The following NRG1 variants were observed in gnomAD, a reference collection of about 807,000 sequenced individuals.
The protein encoded by NRG1 is pro-neuregulin-1, membrane-bound isoform.
A neutral mutation model predicts 63.8 loss-of-function variants in NRG1; 18 were observed. The ratio of observed to expected loss-of-function variants is 0.28; its 90% CI spans 0.19 to 0.42. The LOEUF (loss-of-function observed/expected upper bound fraction) is 0.42. Among genes scored for constraint, NRG1 ranks in the 10% least tolerant of loss-of-function variants. NRG1 has a pLI of 1.00. For synonymous variants in NRG1, 302 were observed against 301.3 expected (o/e 1.00, Z -0.02); for missense variants, 762 against 814.7 (o/e 0.94, Z 0.79).
intron 1 of NRG1, among the ~76,000 whole-genome samples, chr8:32,293,635 T>G (rs774369336): frequency 2.0e-5 from 3 of 151,978 alleles, no homozygotes; most frequent in Non-Finnish European, 4.4e-5. Context: ...CCATTTTATT[T>G]TAATTTTTTT....
At chr8:32,614,886 C>A (rs1318283936) in intron 4 of NRG1, among the ~76,000 whole-genome samples, 1 of 152,038 alleles carries the variant, frequency 6.6e-6, no homozygotes, top group Non-Finnish European at 1.5e-5. Context: ...CCAGGTGATT[C>A]TCTTAGCTGC....
intron 1 of NRG1, among the ~76,000 whole-genome samples, chr8:32,354,813 A>AC (rs534837521): frequency 3.4e-4 from 51 of 151,014 alleles, no homozygotes; most frequent in African/African-American, 1.1e-3. Flanking sequence ...AAAAAAAAAA[A>AC]ACATATAACA....
At chr8:32,666,280 C>T (rs1304640240) in intron 5 of NRG1, among the ~76,000 whole-genome samples, 2 of 152,136 alleles carry the variant, frequency 1.3e-5, no homozygotes, top group Admixed American at 6.5e-5. Flanking sequence ...GGAATGTAGG[C>T]AGAAATCAGA....
chr8:32,167,912 G>A (rs1563862876), intron 1 of NRG1, among the ~76,000 whole-genome samples: 2 of 152,164 alleles, frequency 1.3e-5, no homozygotes, highest in South Asian at 2.1e-4. Context: ...GGAATGAAAA[G>A]GAAATGGCTT....
At chr8:31,863,292 C>G (rs1828643961) in intron 1 of NRG1, among the ~76,000 whole-genome samples, 1 of 152,318 alleles carries the variant, frequency 6.6e-6, no homozygotes, top group East Asian at 1.9e-4. Context: ...TGGCAAGTAC[C>G]TTTTCATGTC....
At chr8:31,995,317 TG>T (rs1811786899) in intron 1 of NRG1, among the ~76,000 whole-genome samples, 2 of 152,002 alleles carry the variant, frequency 1.3e-5, no homozygotes, top group South Asian at 4.1e-4. Context: ...ATAATATTAT[TG>T]TAAGGAATTT....
At chr8:31,905,671 AAATG>A (rs1459001376) in intron 1 of NRG1, among the ~76,000 whole-genome samples, 2 of 152,216 alleles carry the variant, frequency 1.3e-5, no homozygotes, top group Non-Finnish European at 2.9e-5. Flanking sequence ...TATTTTGTGT[AAATG>A]AGCACCACTT....
At chr8:31,793,415 C>T (rs887114978) in intron 1 of NRG1, among the ~76,000 whole-genome samples, 1 of 152,174 alleles carries the variant, frequency 6.6e-6, no homozygotes, top group South Asian at 2.1e-4. Flanking sequence ...GGGCTTCACT[C>T]AGTGACTAAT....
Position 32,079,033 on chromosome 8 carries a change from A to C in NRG1, c.37+439602A>C, listed in dbSNP as rs1244735254. On this transcript the variant is annotated intron_variant, in intron 1 of 10. Transcript: ENST00000519301. ...GACTAACATTTTTCCTGTTGCTTAG[A>C]ACTGAACTTAAAAGCTGGGACAGGC... is the stretch of plus-strand genomic sequence containing the variant. Among the ~76,000 whole-genome samples the C allele has an allele frequency of 2.0e-5, 3 of 152,102 alleles. No individual in the cohort carries two copies. The East Asian group carries it at 5.8e-4, about 29-fold the overall frequency.
intron 1 of NRG1, among the ~76,000 whole-genome samples, chr8:32,231,906 AAAAATT>A (rs1350273824): frequency 2.0e-5 from 3 of 151,942 alleles, no homozygotes; most frequent in Non-Finnish European, 2.9e-5. Flanking sequence ...AAAAAAAAAA[AAAAATT>A]AAATTAAAGT....
At chr8:31,879,850 G>A (rs1312978481) in intron 1 of NRG1, among the ~76,000 whole-genome samples, 2 of 152,052 alleles carry the variant, frequency 1.3e-5, no homozygotes, top group Non-Finnish European at 2.9e-5. Context: ...AAGGATGATG[G>A]CCTCCAGCTC....
chr8:32,556,120 C>T (rs1835128405), intron 1 of NRG1, among the ~76,000 whole-genome samples: 2 of 152,150 alleles, frequency 1.3e-5, no homozygotes, highest in South Asian at 4.1e-4. Context: ...TAGGTCATAC[C>T]TGGCTGAATA....
chr8:31,923,115 T>C lies in NRG1; in HGVS notation c.37+283684T>C, dbSNP rs117483864. Among the ~76,000 whole-genome samples the C allele has an allele frequency of 1.9e-3, 286 of 152,320 alleles. 2 individuals carry two copies. Among genetic ancestry groups the C allele is most frequent in the South Asian group, 3.1e-3 (15 of 4,828 alleles). ...GGTTTTATTTCACCGTTAAGTATGA[T>C]GTTTTAGTCTCTCTTTTCTTTTTTA... On this transcript the variant is annotated intron_variant, in intron 1 of 10. Transcript: ENST00000519301.
intron 1 of NRG1, among the ~76,000 whole-genome samples, chr8:32,259,174 T>C (rs1850083005): frequency 6.6e-6 from 1 of 152,226 alleles, no homozygotes; most frequent in Non-Finnish European, 1.5e-5. Flanking sequence ...CAAGTAAGTT[T>C]GAGTTTCTGC....
chr8:32,641,561 T>A (rs147497007), intron 5 of NRG1, among the ~76,000 whole-genome samples: 391 of 152,344 alleles, frequency 2.6e-3, no homozygotes, highest in African/African-American at 9.2e-3. Context: ...AATTAAAATA[T>A]CTTTCCATAT....
intron 1 of NRG1, among the ~76,000 whole-genome samples, chr8:32,533,645 G>A (rs1267456304): frequency 1.3e-5 from 2 of 151,910 alleles, no homozygotes. Context: ...ATCAAAATGG[G>A]ACACTGTTAA....
exon 6 of NRG1, chr8:32,727,972 A>G (rs1478691742): frequency 6.2e-7 from 1 of 1,614,078 alleles, no homozygotes; most frequent in Non-Finnish European, 8.5e-7. Flanking sequence ...CACCACTGGG[A>G]CAAGCCATCT....
intron 1 of NRG1, among the ~76,000 whole-genome samples, chr8:31,833,989 G>A (rs1825424246): frequency 6.6e-6 from 1 of 152,162 alleles, no homozygotes; most frequent in Non-Finnish European, 1.5e-5. Flanking sequence ...GTAAAAGTAA[G>A]CCCTTCTGGA....
intron 1 of NRG1, among the ~76,000 whole-genome samples, chr8:31,930,472 T>C (rs1342166749): frequency 6.6e-6 from 1 of 152,158 alleles, no homozygotes; most frequent in Non-Finnish European, 1.5e-5. Context: ...ATTATGTTCA[T>C]TGTTTTCTCC....
Sources: allele counts gnomAD v4.1 joint callset (sites outside exome capture counted in the v4.1 genomes callset), GRCh38; gene constraint gnomAD v4.1.1; transcripts MANE v1.5; gene names NCBI Gene and HGNC (gene_info 2026-07-23, HGNC 2026-07-21).